The following TREML4 variants were observed in gnomAD, a reference collection of about 807,000 sequenced individuals.
TREML4 encodes triggering receptor expressed on myeloid cells like 4.
Under a neutral mutation model 25.4 loss-of-function variants are expected in TREML4, and 25 were observed. The observed-to-expected ratio is 0.98, with a 90% CI of 0.72 to 1.37. TREML4 has a LOEUF of 1.37. Ranked by LOEUF, TREML4 falls within the 40% of genes most tolerant of loss-of-function variation. The pLI is 0.00. For missense variants in TREML4, 268 were observed against 236.5 expected, an observed-to-expected ratio of 1.13 and a Z score of -0.87; for synonymous variants, 92 against 87.9, an observed-to-expected ratio of 1.05 and a Z score of -0.26.
intron 3 of TREML4, 136 bp from the exon 4 acceptor site, chr6:41,229,926 T>C: frequency 1.3e-6 from 1 of 744,336 alleles, no homozygotes; most frequent in East Asian, 2.5e-5. Context: ...ATCTCAGGCC[T>C]CAGTTACCCT....
chr6:41,229,756 G>A (rs1393222425), intron 3 of TREML4, 185 bp downstream of exon 3: 6 of 676,580 alleles, frequency 8.9e-6, no homozygotes, highest in African/African-American at 7.2e-5. Flanking sequence ...ACTATCTGAT[G>A]TGATCAGAAG....
At chr6:41,229,080 C>G in intron 2 of TREML4, 36 bp downstream of exon 2, 1 of 1,547,376 alleles carries the variant, frequency 6.5e-7, no homozygotes, top group Non-Finnish European at 8.8e-7. Context: ...CTCTGTGCCA[C>G]CCCCCAGGGA....
intron 4 of TREML4, among the ~76,000 whole-genome samples, chr6:41,233,662 T>A (rs1766843659): frequency 6.6e-6 from 1 of 151,938 alleles, no homozygotes; most frequent in African/African-American, 2.4e-5. Context: ...TAGTTGGAGG[T>A]TCACATACCT....
intron 4 of TREML4, among the ~76,000 whole-genome samples, chr6:41,235,535 T>A (rs189429542): frequency 1.3e-5 from 2 of 152,320 alleles, no homozygotes; most frequent in East Asian, 3.9e-4. Context: ...TGAGGAATAA[T>A]CATTTAGAAA....
intron 4 of TREML4, among the ~76,000 whole-genome samples, chr6:41,231,603 C>T (rs1266126020): frequency 6.6e-6 from 1 of 151,782 alleles, no homozygotes; most frequent in African/African-American, 2.4e-5. Flanking sequence ...TGAGGACGAT[C>T]CATTGGAAAA....
At chr6:41,232,274 A>G (rs1443164096) in intron 4 of TREML4, 3 of 275,202 alleles carry the variant, frequency 1.1e-5, no homozygotes, top group Non-Finnish European at 2.3e-5. Flanking sequence ...CTAGGATGAA[A>G]AGTAAACCCT....
intron 4 of TREML4, among the ~76,000 whole-genome samples, chr6:41,230,676 G>T (rs575358793): frequency 1.3e-5 from 2 of 152,292 alleles, no homozygotes; most frequent in South Asian, 2.1e-4. Context: ...CAGAGCATTT[G>T]CTCCGTAGCC....
At chr6:41,236,464 C>T (rs377172672) in intron 4 of TREML4, 22 bp from the exon 5 acceptor site, 45 of 1,611,016 alleles carry the variant, frequency 2.8e-5, no homozygotes, top group Non-Finnish European at 3.7e-5. Context: ...AGTCCATCCT[C>T]CTTTCTCCTT....
chr6:41,233,771 A>T (rs1333624343), intron 4 of TREML4, among the ~76,000 whole-genome samples: 3 of 151,666 alleles, frequency 2.0e-5, no homozygotes, highest in Admixed American at 6.6e-5. Flanking sequence ...TCACATATTT[A>T]TCAATGTTAC....
In TREML4 at chr6:41,228,699, G is replaced by T. The variant is rs760321892; in HGVS notation, c.64-15G>T. 6.2e-7 allele frequency: 1 copy of T among 1,603,744 alleles called. No individual in the cohort carries two copies. On this transcript the variant is annotated splice_polypyrimidine_tract_variant and intron_variant, in intron 1 of 5. Coordinates refer to ENST00000341495, the MANE Select transcript of TREML4 (RefSeq NM_198153.3). ...GCTCTGACCTGGGTTTCTTTCTGCC[G>T]GTTCCTGGGTAAAGGGTGCTGTGCC...
At chr6:41,235,627 A>G (rs553325708) in intron 4 of TREML4, among the ~76,000 whole-genome samples, 66 of 152,366 alleles carry the variant, frequency 4.3e-4, no homozygotes, top group Middle Eastern at 3.4e-3. Context: ...TTTGGAGAAA[A>G]GTATAAAATG....
Position 41,238,410 on chromosome 6 carries a change from T to C in TREML4, c.*1391T>C, listed in dbSNP as rs1766941362. ...TTTTTCATATGCTTGTCTTACTCCT[T>C]GCTGGGCACATATACACAGCCCACT... On this transcript the variant is annotated 3_prime_UTR_variant, in exon 6 of 6. Coordinates refer to ENST00000341495, the MANE Select transcript of TREML4 (RefSeq NM_198153.3). The C allele has an allele frequency of 1.3e-5, 2 of 152,232 alleles. No homozygotes were observed. The highest frequency in any genetic ancestry group is 1.5e-5 in the Non-Finnish European group (1 of 68,042). The allele number at this position is 152,232 out of a possible 1,614,324, so 9.4% of individuals were successfully genotyped here.
Position 41,228,838 on chromosome 6 carries a change from G to A in TREML4, c.188G>A (p.Cys63Tyr). ...TGTCAGCAGACATCTCCAAGTCGGT[G>A]TACCTTACTTGTCACCAGCTCCAAG... is the stretch of plus-strand genomic sequence containing the variant. ...SWCQQTSPSR[C>Y]TLLVTSSKPW... is the part of the protein sequence containing the mutation. The change falls in exon 2 of 6, where the codon TGT becomes TAT. Residue 63 changes from cysteine (C) to tyrosine (Y), a missense_variant. By Grantham distance (194) the Cys-to-Tyr change is radical. Coordinates refer to ENST00000341495, the MANE Select transcript of TREML4 (RefSeq NM_198153.3). The A allele has an allele frequency of 6.2e-7, 1 of 1,614,126 alleles. No homozygotes were observed. Among genetic ancestry groups the A allele is most frequent in the Non-Finnish European group, 8.5e-7 (1 of 1,180,006 alleles).
chr6:41,236,374 G>A (rs1766901315), intron 4 of TREML4, 112 bp from the exon 5 acceptor site: 3 of 810,302 alleles, frequency 3.7e-6, no homozygotes, highest in Non-Finnish European at 6.2e-6. Context: ...GTTCAGGGTG[G>A]GCCCTTACGC....
rs112920054 is a variant in TREML4 at position 41,238,497 on chromosome 6, G to A, written c.*1478G>A. Reference sequence around the variant, plus strand: ...CAGTGCATCATTCCGAACCCAGGGTGCATGTGCTTTTTTGCCTTCACTTTT... The same window carrying A: ...CAGTGCATCATTCCGAACCCAGGGTACATGTGCTTTTTTGCCTTCACTTTT... On this transcript the variant is annotated 3_prime_UTR_variant, in exon 6 of 6. Transcript: ENST00000341495. 5.1e-3 allele frequency: 770 copies of A among 152,304 alleles called. 9 individuals are homozygous for A. The Middle Eastern group carries it at 0.051, about 10-fold the overall frequency. 9.4% of individuals were successfully genotyped at this position (152,304 alleles called of 1,614,324 possible).
chr6:41,231,198 T>G, intron 4 of TREML4: 1 of 301,960 alleles, frequency 3.3e-6, no homozygotes, highest in Non-Finnish European at 7.1e-6. Context: ...AAGTGCACAA[T>G]AAATATAATG....
chr6:41,231,576 G>A (rs982125461), intron 4 of TREML4, among the ~76,000 whole-genome samples: 10 of 151,454 alleles, frequency 6.6e-5, no homozygotes, highest in East Asian at 1.9e-4. Context: ...GAGGGGAGAC[G>A]TCAACTATGT....
At chr6:41,232,112 A>C (rs1766811801) in intron 4 of TREML4, among the ~76,000 whole-genome samples, 1 of 152,248 alleles carries the variant, frequency 6.6e-6, no homozygotes, top group African/African-American at 2.4e-5. Context: ...ATATTTCTAA[A>C]GTACTAAAGA....
chr6:41,236,735 C>A, intron 5 of TREML4, 118 bp downstream of exon 5: 1 of 603,606 alleles, frequency 1.7e-6, no homozygotes, highest in South Asian at 2.0e-5. Flanking sequence ...CAGCTGGGAA[C>A]AATTTAAAAG....
Sources: allele counts gnomAD v4.1 joint callset (sites outside exome capture counted in the v4.1 genomes callset), GRCh38; gene constraint gnomAD v4.1.1; transcripts MANE v1.5; gene names NCBI Gene and HGNC (gene_info 2026-07-23, HGNC 2026-07-21).